The following STRIP2 variants were observed in gnomAD, a reference collection of about 807,000 sequenced individuals.
STRIP2 encodes striatin interacting protein 2, also known as striatin-interacting protein 2.
In STRIP2, 84 loss-of-function variants were observed where a neutral mutation model predicts 107.1. The ratio of observed to expected loss-of-function variants is 0.78; its 90% confidence interval spans 0.66 to 0.94. STRIP2 has a LOEUF of 0.94. Among genes scored for constraint, STRIP2 ranks in the 40% least tolerant of loss-of-function variants. The probability of loss-of-function intolerance (pLI) is 0.00; values close to 1 mark genes in which losing one functional copy is unlikely to be tolerated. For synonymous variants in STRIP2, 394 were observed against 400.4 expected (o/e 0.98, Z 0.19); for missense variants, 888 against 1,034.2 (o/e 0.86, Z 1.94).
rs1479631595 is a variant in STRIP2, at chr7:129,434,510, C to A, written c.38C>A (p.Pro13His). 6.6e-7 allele frequency: 1 copy of A among 1,518,182 alleles called. No homozygotes were observed. Among genetic ancestry groups the A allele is most frequent in the Non-Finnish European group, 8.8e-7 (1 of 1,140,260 alleles). The allele number at this position is 1,518,182 out of a possible 1,614,324, so 94.0% of individuals were successfully genotyped here. A position where few individuals can be genotyped will look rare whatever the true frequency, so the allele number is the denominator to read the frequency against. The change falls in exon 1 of 21, where the codon CCC becomes CAC. Residue 13 changes from proline (P) to histidine (H), a missense_variant. By Grantham distance (77) the Pro-to-His change is moderately conservative. Coordinates refer to ENST00000249344, the MANE Select transcript of STRIP2 (RefSeq NM_020704.3). ...GCCGCGCCTGGGACCGGGGGCCCGC[C>A]CGCAAATGGCAATGGCAACGGCGGC... ...DPAAPGTGGP[P>H]ANGNGNGGGK...
chr7:129,443,937 C>G (rs1470274858), intron 2 of STRIP2, 87 bp from the exon 3 acceptor site: 2 of 968,112 alleles, frequency 2.1e-6, no homozygotes, highest in Middle Eastern at 2.1e-4. Flanking sequence ...GTGTTGGAAG[C>G]TTCAGCTCTT....
chr7:129,453,093 G>C (rs1163009054), intron 4 of STRIP2, 134 bp from the exon 5 acceptor site: 5 of 1,301,240 alleles, frequency 3.8e-6, no homozygotes, highest in Non-Finnish European at 5.3e-6. Context: ...AAGTTCTTGG[G>C]GCCCCTGTCA....
intron 19 of STRIP2, among the ~76,000 whole-genome samples, chr7:129,481,416 G>C (rs1166316055): frequency 6.6e-6 from 1 of 152,054 alleles, no homozygotes; most frequent in African/African-American, 2.4e-5. Flanking sequence ...AGAATCATTT[G>C]AACCTGGGAG....
chr7:129,460,637 T>G (rs1798506786), intron 13 of STRIP2: 1 of 444,512 alleles, frequency 2.2e-6, no homozygotes, highest in South Asian at 2.3e-5. Flanking sequence ...AGTAGACTAC[T>G]TAAGATTGGG....
Position 129,444,057 on chromosome 7 carries a change from C to G in STRIP2, c.233C>G (p.Thr78Ser), listed in dbSNP as rs1395354603. 1.2e-6 allele frequency: 2 copies of G among 1,613,732 alleles called. No homozygotes were observed. The highest frequency in any genetic ancestry group is 1.7e-5 in the Admixed American group (1 of 59,994). The change falls in exon 3 of 21, where the codon ACC becomes AGC. Residue 78 changes from threonine to serine, a missense_variant. Transcript: ENST00000249344. The stretch of plus-strand genomic sequence containing the variant: ...AGTTACACTGAGAACCTGGAATTCA[C>G]CAATAACAGGAGGTGCTTTGAAGAA... ...LYSYTENLEF[T>S]NNRRCFEEDF... is the part of the protein sequence containing the mutation.
At position 129,434,580 on chromosome 7, in the gene STRIP2, A is replaced by G. The variant is rs1797676542; in HGVS notation, c.108A>G (p.Arg36=). 1 of 1,514,470 alleles carries G rather than the reference A, an allele frequency of 6.6e-7. No individual in the cohort carries two copies. Among genetic ancestry groups the G allele is most frequent in the Non-Finnish European group, 8.8e-7 (1 of 1,137,610 alleles). 93.8% of individuals were successfully genotyped at this position (1,514,470 alleles called of 1,614,324 possible). Reference sequence around the variant, plus strand: ...CGCCCAAGGGCCGCGAAGCGTTCCGAAGCCAGCGGCGGGAGTCAGAGGTGA... The same window carrying G: ...CGCCCAAGGGCCGCGAAGCGTTCCGGAGCCAGCGGCGGGAGTCAGAGGTGA... ...QAAPKGREAF[R]SQRRESEGSV... The change falls in exon 1 of 21, where the codon CGA becomes CGG. Residue 36 remains arginine (R), a synonymous_variant. Transcript: ENST00000249344.
chr7:129,451,516 C>A, intron 3 of STRIP2, 97 bp from the exon 4 acceptor site: 2 of 1,430,612 alleles, frequency 1.4e-6, no homozygotes, highest in Non-Finnish European at 1.9e-6. Flanking sequence ...ATAATTTTGG[C>A]AGGGGAGCTG....
At chr7:129,471,846 G>C (rs965836666) in intron 18 of STRIP2, among the ~76,000 whole-genome samples, 2 of 152,184 alleles carry the variant, frequency 1.3e-5, no homozygotes, top group African/African-American at 4.8e-5. Context: ...CTGGGATAGA[G>C]AGATTCCCTG....
intron 19 of STRIP2, among the ~76,000 whole-genome samples, chr7:129,482,247 T>C (rs2151020339): frequency 6.6e-6 from 1 of 152,008 alleles, no homozygotes; most frequent in East Asian, 1.9e-4. Flanking sequence ...GGAAATGATA[T>C]GTGTGGCTGA....
chr7:129,457,599 G>A (rs1798401304), intron 9 of STRIP2, among the ~76,000 whole-genome samples: 1 of 152,266 alleles, frequency 6.6e-6, no homozygotes, highest in South Asian at 2.1e-4. Flanking sequence ...TCCATTATCT[G>A]CAATAAAATT....
Position 129,467,449 on chromosome 7 carries a change from A to G in STRIP2, c.1876A>G (p.Ser626Gly). 1 of 1,610,078 alleles carries G rather than the reference A, an allele frequency of 6.2e-7. No individual in the cohort carries two copies. Among genetic ancestry groups the G allele is most frequent in the South Asian group, 1.1e-5 (1 of 90,964 alleles). ...CTTGTCATACATCACTGCCAAAAAC[A>G]GGTATGAACTCTGGACAGGTTTATT... The part of the protein sequence containing the change: ...NILSYITAKN[S>G]ISVLDYPCCT... Residue 626 changes from serine to glycine, a missense_variant and splice_region_variant, in exon 17 of 21, where the codon AGC becomes GGC. Physicochemically the swap from Ser to Gly is moderately conservative, Grantham distance 56 (BLOSUM62 0). Transcript: ENST00000249344.
chr7:129,481,894 G>A lies in STRIP2; in HGVS notation c.2050-948G>A, dbSNP rs111857131. On this transcript the variant is annotated intron_variant, in intron 19 of 20. Coordinates refer to ENST00000249344, the MANE Select transcript of STRIP2 (RefSeq NM_020704.3). ...GTTAAAAAACAAAAGTAGGCTGGGT[G>A]TGGTGGCCCACACCTGTAATTCCAG... Among the ~76,000 whole-genome samples, 1,014 of 152,330 alleles carry A rather than the reference G, an allele frequency of 6.7e-3. 12 individuals are homozygous for A. Among genetic ancestry groups the A allele is most frequent in the African/African-American group, 0.024 (980 of 41,570 alleles).
chr7:129,451,571 G>A, intron 3 of STRIP2, 42 bp from the exon 4 acceptor site: 1 of 1,609,338 alleles, frequency 6.2e-7, no homozygotes, highest in African/African-American at 1.3e-5. Flanking sequence ...CAGGAAGGGT[G>A]GCAATAGCTG....
intron 18 of STRIP2, among the ~76,000 whole-genome samples, chr7:129,475,882 C>T (rs892678545): frequency 1.8e-4 from 27 of 151,678 alleles, no homozygotes; most frequent in African/African-American, 5.6e-4. Context: ...GGGTTGGGGG[C>T]AAGGTCATAG....
At chr7:129,462,189 A>G (rs1405763224) in intron 13 of STRIP2, among the ~76,000 whole-genome samples, 2 of 152,232 alleles carry the variant, frequency 1.3e-5, no homozygotes, top group African/African-American at 2.4e-5. Flanking sequence ...GAAGGCAAAC[A>G]TGCCAGGATT....
chr7:129,439,358 A>C (rs1797835969), intron 1 of STRIP2, among the ~76,000 whole-genome samples: 1 of 152,212 alleles, frequency 6.6e-6, no homozygotes, highest in African/African-American at 2.4e-5. Flanking sequence ...CTGAGATTGA[A>C]AATTTTAAAA....
At position 129,458,176 on chromosome 7, in the gene STRIP2, A is replaced by T; in HGVS notation, c.1039-39A>T. 2.0e-6 allele frequency: 3 copies of T among 1,529,300 alleles called. No homozygotes were observed. The highest frequency in any genetic ancestry group is 2.3e-5 in the South Asian group (2 of 88,092). The allele number at this position is 1,529,300 out of a possible 1,614,324, so 94.7% of individuals were successfully genotyped here. On this transcript the variant is annotated intron_variant, in intron 9 of 20. Coordinates refer to ENST00000249344, the MANE Select transcript of STRIP2 (RefSeq NM_020704.3). The surrounding 1 kb of genome is among the most constrained non-coding windows in gnomAD (Gnocchi z 4.6). ...GCCTCAGACAAGGATGCCCAGAGTG[A>T]GATCTCTGCATGCCTACCCTCCCTT...
chr7:129,471,994 A>T lies in STRIP2; in HGVS notation c.1944+1279A>T, dbSNP rs539284703. Among the ~76,000 whole-genome samples, 30 of 144,302 alleles carry T rather than the reference A, an allele frequency of 2.1e-4. No individual in the cohort carries two copies. The East Asian group carries it at 3.5e-3, about 17-fold the overall frequency. The allele number at this position is 144,302 out of a possible 152,430, so 94.7% of individuals were successfully genotyped here. A position where few individuals can be genotyped will look rare whatever the true frequency, so the allele number is the denominator to read the frequency against. On this transcript the variant is annotated intron_variant, in intron 18 of 20. Transcript: ENST00000249344. ...TTTTTCAAGTTTTTTATTAAAAAAA[A>T]TTTTTTTTACCCACACTACAGAGAT...
chr7:129,460,407 G>A, intron 13 of STRIP2, 35 bp downstream of exon 13: 4 of 1,574,436 alleles, frequency 2.5e-6, no homozygotes, highest in Non-Finnish European at 3.5e-6. Flanking sequence ...GAGGAGAGTA[G>A]AAGAAAACCT....
Sources: allele counts gnomAD v4.1 joint callset (sites outside exome capture counted in the v4.1 genomes callset), GRCh38; gene constraint gnomAD v4.1.1; non-coding constraint Gnocchi (gnomAD v3.1); transcripts MANE v1.5; gene names NCBI Gene and HGNC (gene_info 2026-07-23, HGNC 2026-07-21).